Variants in NCAM2 observed in about 807,000 individuals in gnomAD.
NCAM2 encodes the protein neural cell adhesion molecule 2.
NCAM2 carries 30 observed loss-of-function variants against 98.1 expected under a neutral mutation model. The ratio of observed to expected loss-of-function variants is 0.31; its 90% CI spans 0.23 to 0.41. NCAM2 has a LOEUF of 0.41. Ranked by LOEUF, NCAM2 falls within the 10% of genes least tolerant of loss-of-function variation. NCAM2 has a pLI of 1.00. For synonymous variants in NCAM2, 368 were observed against 342.4 expected, an observed-to-expected ratio of 1.07 and a Z score of -0.83; for missense variants, 867 against 1,005.8, an observed-to-expected ratio of 0.86 and a Z score of 1.87.
rs928103247 is a variant in NCAM2, at chr21:21,400,589, A to T, written c.1196-9685A>T. 2.7e-5 allele frequency among the ~76,000 whole-genome samples: 4 copies of T among 145,894 alleles called. No homozygotes were observed. The Admixed American group carries it at 2.8e-4, about 10-fold the overall frequency. On this transcript the variant is annotated intron_variant, in intron 9 of 17. Transcript: ENST00000400546. ...AAGATATTCACTTATTAAAATATTT[A>T]CCAAAAACTTTTTTTTTTTTTTTTG...
intron 1 of NCAM2, among the ~76,000 whole-genome samples, chr21:21,120,719 G>GTTTTTTT (rs56905252): frequency 1.4e-5 from 2 of 142,250 alleles, no homozygotes; most frequent in Non-Finnish European, 1.5e-5. Flanking sequence ...TTTTTTGTGG[G>GTTTTTTT]TTTTTTTTTT....
At chr21:21,217,600 G>A (rs1333352457) in intron 1 of NCAM2, among the ~76,000 whole-genome samples, 2 of 152,056 alleles carry the variant, frequency 1.3e-5, no homozygotes, top group Non-Finnish European at 2.9e-5. Flanking sequence ...ACAAATCTAG[G>A]TACTGCTAGG....
At chr21:21,510,226 A>G (rs1988276334) in intron 16 of NCAM2, among the ~76,000 whole-genome samples, 2 of 152,288 alleles carry the variant, frequency 1.3e-5, no homozygotes, top group South Asian at 4.1e-4. Context: ...AATGCACCAA[A>G]TGTTTCAGTT....
chr21:21,063,794 CTA>C (rs555800288), intron 1 of NCAM2, among the ~76,000 whole-genome samples: 110 of 151,552 alleles, frequency 7.3e-4, no homozygotes, highest in East Asian at 1.7e-3. Context: ...TTTTTTTTCT[CTA>C]TGTGTATTAA....
intron 1 of NCAM2, among the ~76,000 whole-genome samples, chr21:21,110,949 G>T (rs185338341): frequency 1.1e-3 from 169 of 152,096 alleles, no homozygotes; most frequent in African/African-American, 3.9e-3. Context: ...AACAATAATT[G>T]AATAAGGGGA....
intron 8 of NCAM2, among the ~76,000 whole-genome samples, chr21:21,370,673 C>T (rs532706852): frequency 1.3e-5 from 2 of 151,824 alleles, no homozygotes; most frequent in South Asian, 4.1e-4. Context: ...AATAATCAAA[C>T]ATGAACTCCA....
chr21:21,206,044 C>T (rs939996663), intron 1 of NCAM2, among the ~76,000 whole-genome samples: 2 of 152,096 alleles, frequency 1.3e-5, no homozygotes, highest in Non-Finnish European at 2.9e-5. Flanking sequence ...CAGATTGTAG[C>T]AGTACTCTTA....
chr21:21,338,720 T>C (rs751400973), intron 8 of NCAM2, among the ~76,000 whole-genome samples, 186 bp downstream of exon 8: 4 of 152,144 alleles, frequency 2.6e-5, no homozygotes, highest in Non-Finnish European at 4.4e-5. Flanking sequence ...GAAATGTCAA[T>C]ATGAAATATT....
chr21:21,331,512 T>TATATATATATATATATATATATATA (rs1333445280), intron 6 of NCAM2, among the ~76,000 whole-genome samples: 1 of 2,576 alleles, frequency 3.9e-4, no homozygotes, highest in Non-Finnish European at 1.2e-3. Context: ...CTATACTCTC[T>TATATATATATATATATATATATATA]CTCTCTATAT....
intron 1 of NCAM2, among the ~76,000 whole-genome samples, chr21:21,078,880 T>C (rs551713089): frequency 7.2e-5 from 11 of 152,324 alleles, no homozygotes; most frequent in African/African-American, 2.4e-4. Context: ...ATCATGTCTT[T>C]TGCAGGGATA....
Position 21,342,240 on chromosome 21 carries a change from A to G in NCAM2, c.1044+3706A>G, listed in dbSNP as rs1446001710. Reference sequence around the variant, plus strand: ...TTATTACTGCATAGTAAATGACCCCATAATATAATGGCACAAACCAATAAT... The same window carrying G: ...TTATTACTGCATAGTAAATGACCCCGTAATATAATGGCACAAACCAATAAT... On this transcript the variant is annotated intron_variant, in intron 8 of 17. Transcript: ENST00000400546. 2.0e-5 allele frequency among the ~76,000 whole-genome samples: 3 copies of G among 152,198 alleles called. No homozygotes were observed. In the East Asian group the frequency reaches 5.8e-4, roughly 29 times the overall value.
At chr21:21,390,157 T>A (rs1602193918) in intron 9 of NCAM2, among the ~76,000 whole-genome samples, 1 of 152,296 alleles carries the variant, frequency 6.6e-6, no homozygotes, top group South Asian at 2.1e-4. Context: ...GGCTATTATT[T>A]TTTTTTATAT....
intron 1 of NCAM2, among the ~76,000 whole-genome samples, chr21:21,126,388 A>G (rs1395148560): frequency 1.3e-5 from 2 of 151,936 alleles, no homozygotes; most frequent in Admixed American, 6.6e-5. Context: ...AAAGCTAAAC[A>G]TACACATCCA....
chr21:21,029,850 T>A (rs892454049), intron 1 of NCAM2, among the ~76,000 whole-genome samples: 1 of 152,072 alleles, frequency 6.6e-6, no homozygotes, highest in Non-Finnish European at 1.5e-5. Flanking sequence ...CAGGATGGTC[T>A]CAATCTCCTG....
chr21:21,470,046 G>A (rs1984234765), intron 14 of NCAM2, among the ~76,000 whole-genome samples: 1 of 152,014 alleles, frequency 6.6e-6, no homozygotes, highest in African/African-American at 2.4e-5. Flanking sequence ...GTAACAGTTT[G>A]TAAGGAATTC....
At chr21:21,468,609 A>T (rs2250501) in intron 13 of NCAM2, 53 bp from the exon 14 acceptor site, 4 of 1,524,306 alleles carry the variant, frequency 2.6e-6, no homozygotes, top group Non-Finnish European at 3.6e-6. Flanking sequence ...AATATAGTTT[A>T]TCTAGGTATC....
rs28637048 is a variant in NCAM2, at chr21:21,295,835, T to C, written c.619+3594T>C. ...ATGCAAAACTAGTGCTTTTGTCTGT[T>C]TCTCTCTCTCTCTCTCTCTCTGTCT... On this transcript the variant is annotated intron_variant, in intron 5 of 17. Coordinates refer to ENST00000400546, the MANE Select transcript of NCAM2 (RefSeq NM_004540.5). Among the ~76,000 whole-genome samples the C allele has an allele frequency of 1.9e-4, 21 of 113,036 alleles. No homozygotes were observed. In the East Asian group the frequency reaches 0.01, roughly 54 times the overall value. The allele number at this position is 113,036 out of a possible 152,430, so 74.2% of individuals were successfully genotyped here.
intron 1 of NCAM2, among the ~76,000 whole-genome samples, chr21:21,037,256 T>C (rs1212924726): frequency 6.6e-6 from 1 of 152,176 alleles, no homozygotes; most frequent in Non-Finnish European, 1.5e-5. Context: ...TCTTTTATTA[T>C]TAATAGCAAG....
intron 1 of NCAM2, among the ~76,000 whole-genome samples, chr21:21,062,962 T>C (rs765062507): frequency 5.3e-5 from 8 of 152,176 alleles, no homozygotes; most frequent in Non-Finnish European, 4.4e-5. Flanking sequence ...GTTAGTGTTA[T>C]GTTGTATCAT....
Sources: gnomAD v4.1 joint callset for allele counts (sites outside exome capture counted in the v4.1 genomes callset) on GRCh38, gnomAD v4.1.1 for gene constraint, MANE v1.5 for transcripts, NCBI Gene and HGNC (gene_info 2026-07-23, HGNC 2026-07-21) for gene names.